Variants in SPSB4 observed in about 807,000 individuals in gnomAD.
SPSB4 encodes splA/ryanodine receptor domain and SOCS box containing 4, also known as SPRY domain-containing SOCS box protein 4.
A neutral mutation model predicts 20.9 loss-of-function variants in SPSB4; 21 were observed. The ratio of observed to expected loss-of-function variants is 1.01; its 90% CI spans 0.71 to 1.45. The LOEUF is 1.45. Among genes scored for constraint, SPSB4 ranks in the 40% most tolerant of loss-of-function variants. The probability of loss-of-function intolerance (pLI) is 0.00; values close to 1 mark genes in which losing one functional copy is unlikely to be tolerated. For missense variants in SPSB4, 399 were observed against 399.2 expected (o/e 1.00, Z 0.00); for synonymous variants, 207 against 183.8 (o/e 1.13, Z -1.02).
chr3:141,092,617 C>G (rs925080318), intron 2 of SPSB4, among the ~76,000 whole-genome samples: 1 of 152,224 alleles, frequency 6.6e-6, no homozygotes. Flanking sequence ...CCAGACACCC[C>G]TTCCTGTACT....
intron 2 of SPSB4, among the ~76,000 whole-genome samples, chr3:141,116,351 A>G (rs1278823801): frequency 1.3e-5 from 2 of 152,222 alleles, no homozygotes; most frequent in East Asian, 3.8e-4. Flanking sequence ...GCCCCCCACT[A>G]GGCAGGGTCC....
At chr3:141,063,446 T>C (rs6810078) in intron 1 of SPSB4, among the ~76,000 whole-genome samples, 8,597 of 152,298 alleles carry the variant, frequency 0.056, 827 homozygotes, top group African/African-American at 0.2. Context: ...TCTTTCAGTA[T>C]ATGATCTGTT....
At chr3:141,087,077 G>A (rs1938358664) in intron 2 of SPSB4, among the ~76,000 whole-genome samples, 1 of 152,212 alleles carries the variant, frequency 6.6e-6, no homozygotes, top group Non-Finnish European at 1.5e-5. Context: ...CACGCGCACA[G>A]CACAGAGGAC....
chr3:141,093,980 C>T (rs924554186), intron 2 of SPSB4, among the ~76,000 whole-genome samples: 1 of 152,160 alleles, frequency 6.6e-6, no homozygotes, highest in Non-Finnish European at 1.5e-5. Flanking sequence ...CAGCACCAGC[C>T]CCATGAGATG....
chr3:141,051,939 G>A lies in SPSB4; in HGVS notation c.-207G>A, dbSNP rs1936099324. The A allele has an allele frequency of 6.6e-6, 1 of 152,310 alleles. No individual in the cohort carries two copies. Among genetic ancestry groups the A allele is most frequent in the Admixed American group, 6.5e-5 (1 of 15,290 alleles). The allele number at this position is 152,310 out of a possible 1,614,324, so 9.4% of individuals were successfully genotyped here. ...GCAGACCCCTCTCCAGGGAGTCCAGGACCTGCCAGCGCTGGGGATTCTTCC... is the reference window on the plus strand; with the variant it reads ...GCAGACCCCTCTCCAGGGAGTCCAGAACCTGCCAGCGCTGGGGATTCTTCC... On this transcript the variant is annotated 5_prime_UTR_variant, in exon 1 of 3. Transcript: ENST00000310546.
At chr3:141,137,369 A>G (rs955252836) in intron 2 of SPSB4, among the ~76,000 whole-genome samples, 1 of 152,090 alleles carries the variant, frequency 6.6e-6, no homozygotes, top group East Asian at 1.9e-4. Flanking sequence ...TTCCAACACT[A>G]TGTTGAATAG....
At chr3:141,084,253 T>C (rs767610298) in intron 2 of SPSB4, among the ~76,000 whole-genome samples, 1 of 152,190 alleles carries the variant, frequency 6.6e-6, no homozygotes, top group Non-Finnish European at 1.5e-5. Flanking sequence ...CTCTATGGCC[T>C]GGAGCAGAAG....
At position 141,066,619 on chromosome 3, in the gene SPSB4, C is replaced by T. The variant is rs371394138; in HGVS notation, c.515C>T (p.Ala172Val). 33 of 1,603,078 alleles carry T rather than the reference C, an allele frequency of 2.1e-5. No homozygotes were observed. The East Asian group carries it at 5.4e-4, about 26-fold the overall frequency. ...TTTCTGGGGCCCGACGAGGCCTTTG[C>T]GCTGCCCGACTCGCTGCTCGTGGTG... is the stretch of plus-strand genomic sequence containing the variant. ...PAFLGPDEAF[A>V]LPDSLLVVLD... is the part of the protein sequence containing the mutation. The change falls in exon 2 of 3, where the codon GCG becomes GTG. Residue 172 changes from alanine to valine, a missense_variant. By Grantham distance (64) the Ala-to-Val change is moderately conservative (BLOSUM62 0). Transcript: ENST00000310546.
chr3:141,110,208 A>G (rs1431463711), intron 2 of SPSB4, among the ~76,000 whole-genome samples: 1 of 152,178 alleles, frequency 6.6e-6, no homozygotes, highest in Non-Finnish European at 1.5e-5. Context: ...ACCTCTTCTC[A>G]GCCTCCCCAT....
At chr3:141,101,997 C>T (rs967003767) in intron 2 of SPSB4, among the ~76,000 whole-genome samples, 2 of 152,240 alleles carry the variant, frequency 1.3e-5, no homozygotes, top group Non-Finnish European at 2.9e-5. Flanking sequence ...CATTTCGTGC[C>T]TTTCCAGTTG....
intron 2 of SPSB4, among the ~76,000 whole-genome samples, chr3:141,123,382 T>G (rs1385842894): frequency 6.6e-6 from 1 of 152,260 alleles, no homozygotes; most frequent in Non-Finnish European, 1.5e-5. Context: ...TTATTATTCC[T>G]TTGCTCTTTT....
At chr3:141,090,778 A>G (rs1490322099) in intron 2 of SPSB4, among the ~76,000 whole-genome samples, 1 of 152,200 alleles carries the variant, frequency 6.6e-6, no homozygotes, top group Non-Finnish European at 1.5e-5. Context: ...TAAAAGGATC[A>G]CTTTAACTGC....
intron 2 of SPSB4, among the ~76,000 whole-genome samples, chr3:141,112,441 C>G (rs1334928496): frequency 6.6e-6 from 1 of 151,274 alleles, no homozygotes; most frequent in Non-Finnish European, 1.5e-5. Flanking sequence ...GTCAGGAGAT[C>G]GAGACCATCC....
chr3:141,136,473 G>T (rs554658729), intron 2 of SPSB4, among the ~76,000 whole-genome samples: 1 of 152,268 alleles, frequency 6.6e-6, no homozygotes, highest in South Asian at 2.1e-4. Flanking sequence ...ATGGTTTTAG[G>T]TCTAACATGT....
At chr3:141,095,150 C>T (rs942889187) in intron 2 of SPSB4, among the ~76,000 whole-genome samples, 3 of 152,082 alleles carry the variant, frequency 2.0e-5, no homozygotes, top group Admixed American at 6.5e-5. Flanking sequence ...GGGTGAAGAC[C>T]GCTTCAGCCA....
At chr3:141,108,194 G>T (rs759968682) in intron 2 of SPSB4, among the ~76,000 whole-genome samples, 1 of 151,998 alleles carries the variant, frequency 6.6e-6, no homozygotes, top group Non-Finnish European at 1.5e-5. Flanking sequence ...ACCCCTTCTC[G>T]TGGGAGTCTC....
At chr3:141,072,991 C>T (rs1938034765) in intron 2 of SPSB4, among the ~76,000 whole-genome samples, 1 of 152,218 alleles carries the variant, frequency 6.6e-6, no homozygotes, top group Non-Finnish European at 1.5e-5. Flanking sequence ...TCTTTCTTAG[C>T]AGTCGCATGG....
chr3:141,134,271 T>TG (rs901753675), intron 2 of SPSB4, among the ~76,000 whole-genome samples: 2 of 152,140 alleles, frequency 1.3e-5, no homozygotes, highest in African/African-American at 4.8e-5. Context: ...TAGCAACAGT[T>TG]TGACTTCCTC....
At chr3:141,092,593 G>T (rs976498093) in intron 2 of SPSB4, among the ~76,000 whole-genome samples, 4 of 152,236 alleles carry the variant, frequency 2.6e-5, no homozygotes, top group Non-Finnish European at 5.9e-5. Flanking sequence ...TGCTCAGGCA[G>T]CTACCACCTT....
Sources: gnomAD v4.1 joint callset for allele counts (sites outside exome capture counted in the v4.1 genomes callset) on GRCh38, gnomAD v4.1.1 for gene constraint, MANE v1.5 for transcripts, NCBI Gene and HGNC (gene_info 2026-07-23, HGNC 2026-07-21) for gene names.